The following CNTN5 variants were observed in gnomAD, a reference collection of about 807,000 sequenced individuals.
CNTN5 encodes the protein contactin-5.
CNTN5 carries 77 observed loss-of-function variants against 129.1 expected under a neutral mutation model. That is an observed-to-expected ratio of 0.60 (90% CI 0.50 to 0.72). CNTN5 has a LOEUF of 0.72. Ranked by LOEUF, CNTN5 falls within the 30% of genes least tolerant of loss-of-function variation. The pLI is 0.00. For missense variants in CNTN5, 1,478 were observed against 1,328.8 expected (o/e 1.11, Z -1.75); for synonymous variants, 509 against 465.6 (o/e 1.09, Z -1.20).
intron 2 of CNTN5, among the ~76,000 whole-genome samples, chr11:99,451,295 A>C (rs527300068): frequency 6.6e-6 from 1 of 152,200 alleles, no homozygotes; most frequent in Non-Finnish European, 1.5e-5. Context: ...GAGTATTCAC[A>C]CTGATGACCC....
chr11:99,677,248 C>G (rs544056947), intron 3 of CNTN5, among the ~76,000 whole-genome samples: 1 of 152,214 alleles, frequency 6.6e-6, no homozygotes, highest in African/African-American at 2.4e-5. Flanking sequence ...CTTGTTTTCT[C>G]TAATTATCTT....
At position 99,754,244 on chromosome 11, in the gene CNTN5, T is replaced by C. The variant is rs1311790272; in HGVS notation, c.56-65300T>C. ...GGTTGTGGTAAGATGAGAGTAAAGA[T>C]GGAGATCCTTAACAGTTCATGAATA... On this transcript the variant is annotated intron_variant, in intron 3 of 24. Coordinates refer to ENST00000524871, the MANE Select transcript of CNTN5 (RefSeq NM_014361.4). 2.6e-5 allele frequency among the ~76,000 whole-genome samples: 4 copies of C among 152,184 alleles called. No individual in the cohort carries two copies. The South Asian group carries it at 8.3e-4, about 32-fold the overall frequency.
intron 2 of CNTN5, among the ~76,000 whole-genome samples, chr11:99,368,235 TA>T (rs1939582093): frequency 1.5e-5 from 1 of 65,356 alleles, no homozygotes; most frequent in South Asian, 5.7e-4. Flanking sequence ...TGTAAAAATT[TA>T]ATTTTTATTA....
intron 2 of CNTN5, among the ~76,000 whole-genome samples, chr11:99,429,428 A>C (rs1335090363): frequency 1.3e-5 from 2 of 152,142 alleles, no homozygotes; most frequent in African/African-American, 4.8e-5. Flanking sequence ...TACCCTAGGC[A>C]ATTGTCAGAG....
At chr11:99,031,836 T>G (rs1863394170) in intron 1 of CNTN5, among the ~76,000 whole-genome samples, 1 of 151,742 alleles carries the variant, frequency 6.6e-6, no homozygotes, top group Middle Eastern at 3.4e-3. Flanking sequence ...TACATATGTA[T>G]ACATGTGCCA....
chr11:100,319,807 G>T (rs1951649935), intron 21 of CNTN5, among the ~76,000 whole-genome samples: 1 of 152,092 alleles, frequency 6.6e-6, no homozygotes, highest in Non-Finnish European at 1.5e-5. Context: ...TGTGGTATTT[G>T]TCTTTCTGTG....
At chr11:100,234,711 G>A (rs1000803821) in intron 16 of CNTN5, among the ~76,000 whole-genome samples, 1 of 149,112 alleles carries the variant, frequency 6.7e-6, no homozygotes. Context: ...TAGATGACAG[G>A]TTGACGGGTG....
chr11:100,221,100 G>T (rs976264188), intron 15 of CNTN5, among the ~76,000 whole-genome samples: 4 of 152,172 alleles, frequency 2.6e-5, no homozygotes, highest in Non-Finnish European at 5.9e-5. Flanking sequence ...TAAACAGAGG[G>T]AAAGCTAAGG....
At chr11:100,261,106 T>C (rs980099316) in intron 17 of CNTN5, among the ~76,000 whole-genome samples, 15 of 152,106 alleles carry the variant, frequency 9.9e-5, no homozygotes, top group Admixed American at 7.9e-4. Flanking sequence ...AGTTTCAGGA[T>C]ACAAAAATCA....
chr11:99,627,640 C>T (rs190830299), intron 3 of CNTN5, among the ~76,000 whole-genome samples: 1 of 151,934 alleles, frequency 6.6e-6, no homozygotes, highest in Admixed American at 6.6e-5. Context: ...GTTACACACC[C>T]ACTCAAGTAT....
At chr11:100,335,829 T>C (rs1952027553) in intron 21 of CNTN5, among the ~76,000 whole-genome samples, 2 of 152,160 alleles carry the variant, frequency 1.3e-5, no homozygotes, top group Middle Eastern at 3.4e-3. Context: ...AGGTATTATA[T>C]GAGTCAGAAT....
rs1357769032 is a variant in CNTN5 at position 99,117,456 on chromosome 11, T to C, written c.-210+96186T>C. Reference sequence around the variant, plus strand: ...TTTGAACTTTATATAATTTTAATTATATACTACGTATTTTTGAGTACACCT... The same window carrying C: ...TTTGAACTTTATATAATTTTAATTACATACTACGTATTTTTGAGTACACCT... On this transcript the variant is annotated intron_variant, in intron 1 of 24. Transcript: ENST00000524871. 2.0e-5 allele frequency among the ~76,000 whole-genome samples: 3 copies of C among 152,304 alleles called. No individual in the cohort carries two copies. The East Asian group carries it at 5.8e-4, about 29-fold the overall frequency.
intron 6 of CNTN5, among the ~76,000 whole-genome samples, chr11:99,862,303 C>T (rs947124411): frequency 1.3e-5 from 2 of 152,096 alleles, no homozygotes; most frequent in South Asian, 2.1e-4. Flanking sequence ...TTTGTCCTTG[C>T]CCAGGGTCCA....
chr11:99,139,889 T>C (rs1859429109), intron 1 of CNTN5, among the ~76,000 whole-genome samples: 1 of 152,138 alleles, frequency 6.6e-6, no homozygotes, highest in African/African-American at 2.4e-5. Flanking sequence ...AATTGTGAAA[T>C]TGATAATATT....
At chr11:99,377,403 TG>T (rs1400985953) in intron 2 of CNTN5, among the ~76,000 whole-genome samples, 1 of 152,286 alleles carries the variant, frequency 6.6e-6, no homozygotes, top group Non-Finnish European at 1.5e-5. Flanking sequence ...ATGCTGCTGC[TG>T]TTTTGTTATT....
intron 1 of CNTN5, among the ~76,000 whole-genome samples, chr11:99,283,346 A>G (rs1301762979): frequency 6.6e-6 from 1 of 152,132 alleles, no homozygotes; most frequent in African/African-American, 2.4e-5. Flanking sequence ...CTAAAAATCT[A>G]TGGTACTCTT....
chr11:99,917,301 G>T (rs2136017469), intron 7 of CNTN5, among the ~76,000 whole-genome samples: 1 of 152,150 alleles, frequency 6.6e-6, no homozygotes, highest in Non-Finnish European at 1.5e-5. Flanking sequence ...TGAAAGGTTT[G>T]GGAAGTTTAC....
chr11:99,223,764 G>T (rs183345577), intron 1 of CNTN5, among the ~76,000 whole-genome samples: 1 of 152,094 alleles, frequency 6.6e-6, no homozygotes, highest in Non-Finnish European at 1.5e-5. Flanking sequence ...ACCCTCTAAA[G>T]CTTCCTCTCA....
chr11:100,087,302 A>G (rs1944590842), intron 13 of CNTN5, among the ~76,000 whole-genome samples: 1 of 151,868 alleles, frequency 6.6e-6, no homozygotes, highest in Admixed American at 6.6e-5. Flanking sequence ...TGAAAAATTT[A>G]AATAATTTCA....
Sources: allele counts gnomAD v4.1 joint callset (sites outside exome capture counted in the v4.1 genomes callset), GRCh38; gene constraint gnomAD v4.1.1; transcripts MANE v1.5; gene names NCBI Gene and HGNC (gene_info 2026-07-23, HGNC 2026-07-21).